CBLB: variants seen among roughly 807,000 people sequenced by gnomAD.
CBLB encodes the protein E3 ubiquitin-protein ligase CBL-B.
A neutral mutation model predicts 104.9 loss-of-function variants in CBLB; 31 were observed. The observed-to-expected ratio is 0.30, with a 90% CI of 0.22 to 0.40. The LOEUF (loss-of-function observed/expected upper bound fraction) is 0.40. Among genes scored for constraint, CBLB ranks in the 10% least tolerant of loss-of-function variants. The pLI, the probability that CBLB is intolerant of heterozygous loss-of-function variation, is 1.00. For missense variants in CBLB, 1,062 were observed against 1,214.6 expected (o/e 0.87, Z 1.87); for synonymous variants, 440 against 422.6 (o/e 1.04, Z -0.51).
chr3:105,676,022 A>ATGT (rs1172991537), intron 17 of CBLB, among the ~76,000 whole-genome samples: 3 of 148,178 alleles, frequency 2.0e-5, no homozygotes, highest in Non-Finnish European at 4.5e-5. Context: ...ATTATAAGGG[A>ATGT]TGTTGATATT....
intron 3 of CBLB, among the ~76,000 whole-genome samples, chr3:105,803,813 C>G (rs1362955766): frequency 1.3e-5 from 2 of 152,116 alleles, no homozygotes; most frequent in African/African-American, 2.4e-5. Context: ...TATCTTTTCA[C>G]TATAATTTTT....
chr3:105,769,039 C>A (rs898461573), intron 4 of CBLB, among the ~76,000 whole-genome samples: 2 of 152,170 alleles, frequency 1.3e-5, no homozygotes, highest in Non-Finnish European at 2.9e-5. Context: ...TGCCGCCGGG[C>A]GTGATGGCTC....
At chr3:105,861,690 CACACACACACACACACATACAT>C (rs1290907696) in intron 2 of CBLB, among the ~76,000 whole-genome samples, 30 of 150,962 alleles carry the variant, frequency 2.0e-4, no homozygotes, top group African/African-American at 6.6e-4. Context: ...CACATACACA[CACACACACACACACACATACAT>C]ACACACACAC....
rs748162888 is a variant in CBLB, at chr3:105,752,929, C to A, written c.567-1311G>T. Reference sequence around the variant, plus strand: ...ACAACACTTTGAGAGCCTACTATATCTATTCATTGCTAAAACAAGGCACTG... The same window carrying A: ...ACAACACTTTGAGAGCCTACTATATATATTCATTGCTAAAACAAGGCACTG... On this transcript the variant is annotated intron_variant, in intron 4 of 18. Coordinates refer to ENST00000394030, the MANE Select transcript of CBLB (RefSeq NM_170662.5). Among the ~76,000 whole-genome samples the A allele has an allele frequency of 6.3e-4, 96 of 152,184 alleles. 1 individual carries two copies. The highest frequency in any genetic ancestry group is 4.4e-4 in the Non-Finnish European group (30 of 68,028).
chr3:105,841,136 T>C (rs2089476433), intron 3 of CBLB, among the ~76,000 whole-genome samples: 1 of 151,576 alleles, frequency 6.6e-6, no homozygotes, highest in South Asian at 2.1e-4. Context: ...TCTACAAAAA[T>C]ACAAAAACAA....
At chr3:105,706,368 G>A (rs1464430896) in intron 10 of CBLB, among the ~76,000 whole-genome samples, 1 of 151,886 alleles carries the variant, frequency 6.6e-6, no homozygotes, top group Non-Finnish European at 1.5e-5. Context: ...GCTCGGTTAT[G>A]GTAAGTCAAA....
chr3:105,761,293 A>T lies in CBLB; in HGVS notation c.567-9675T>A, dbSNP rs544301398. 2.0e-4 allele frequency among the ~76,000 whole-genome samples: 30 copies of T among 152,308 alleles called. No homozygotes were observed. In the South Asian group the frequency reaches 6.0e-3, roughly 30 times the overall value. On this transcript the variant is annotated intron_variant, in intron 4 of 18. Coordinates refer to ENST00000394030, the MANE Select transcript of CBLB (RefSeq NM_170662.5). ...GTGATCCACCTGCCTTGGCCTCCCA[A>T]AATACTGGGATTACAGGCATGAGCC...
intron 3 of CBLB, among the ~76,000 whole-genome samples, chr3:105,843,765 A>C (rs898968661): frequency 3.9e-5 from 6 of 152,188 alleles, no homozygotes; most frequent in African/African-American, 1.4e-4. Context: ...GACCTTTACA[A>C]AAAATAATTA....
intron 3 of CBLB, among the ~76,000 whole-genome samples, chr3:105,808,205 A>G (rs1004109480): frequency 6.6e-6 from 1 of 152,228 alleles, no homozygotes; most frequent in Admixed American, 6.5e-5. Flanking sequence ...CCAACCTTCT[A>G]CAAAGCCATT....
intron 12 of CBLB, among the ~76,000 whole-genome samples, chr3:105,698,700 CTT>C (rs978764103): frequency 1.3e-5 from 2 of 151,184 alleles, no homozygotes; most frequent in African/African-American, 4.9e-5. Flanking sequence ...ATCTCCCACT[CTT>C]TAATCCAATG....
At chr3:105,753,767 T>A (rs62261489) in intron 4 of CBLB, among the ~76,000 whole-genome samples, 1 of 152,150 alleles carries the variant, frequency 6.6e-6, no homozygotes, top group Admixed American at 6.5e-5. Context: ...ACTATAAAAA[T>A]TATTCTAATC....
intron 3 of CBLB, among the ~76,000 whole-genome samples, chr3:105,820,894 C>T (rs993869383): frequency 1.3e-5 from 2 of 151,700 alleles, no homozygotes; most frequent in Non-Finnish European, 2.9e-5. Context: ...CCTTTTTGTT[C>T]TTTACTCAAA....
At chr3:105,782,881 T>C (rs1395064122) in intron 3 of CBLB, among the ~76,000 whole-genome samples, 1 of 152,210 alleles carries the variant, frequency 6.6e-6, no homozygotes, top group African/African-American at 2.4e-5. Context: ...CCTGTGGTAT[T>C]CTTTCCAACA....
At chr3:105,778,447 T>C (rs1171334297) in intron 3 of CBLB, among the ~76,000 whole-genome samples, 1 of 152,028 alleles carries the variant, frequency 6.6e-6, no homozygotes. Context: ...ACTTCCTGTA[T>C]AAGATGAATA....
chr3:105,815,389 A>G (rs547306768), intron 3 of CBLB, among the ~76,000 whole-genome samples: 3 of 152,360 alleles, frequency 2.0e-5, no homozygotes, highest in East Asian at 3.9e-4. Flanking sequence ...ATGGCTTTAT[A>G]TTACAATGGA....
At chr3:105,679,335 T>TA (rs1559790254) in intron 16 of CBLB, among the ~76,000 whole-genome samples, 7,669 of 74,988 alleles carry the variant, frequency 0.1, 597 homozygotes, top group African/African-American at 0.13. Context: ...CCTTGAGTCT[T>TA]TAAAAAAAAA....
At chr3:105,774,940 T>G (rs1019665899) in intron 4 of CBLB, among the ~76,000 whole-genome samples, 1 of 152,190 alleles carries the variant, frequency 6.6e-6, no homozygotes, top group Non-Finnish European at 1.5e-5. Flanking sequence ...AAGCTTACAA[T>G]GTTAATACAT....
chr3:105,671,924 A>T (rs1008929211), intron 17 of CBLB: 2 of 192,602 alleles, frequency 1.0e-5, no homozygotes, highest in Non-Finnish European at 2.2e-5. Context: ...GATAAATCGC[A>T]TGAGACAATG....
intron 3 of CBLB, among the ~76,000 whole-genome samples, chr3:105,784,099 T>G (rs1326071652): frequency 2.6e-5 from 4 of 152,216 alleles, no homozygotes; most frequent in Admixed American, 1.3e-4. Flanking sequence ...ATACTTTCAT[T>G]TGGTTTAAAA....
Sources: gnomAD v4.1 joint callset for allele counts (sites outside exome capture counted in the v4.1 genomes callset) on GRCh38, gnomAD v4.1.1 for gene constraint, MANE v1.5 for transcripts, NCBI Gene and HGNC (gene_info 2026-07-23, HGNC 2026-07-21) for gene names.